Variants in MAP3K3 observed in about 807,000 individuals in gnomAD.
MAP3K3 encodes mitogen-activated protein kinase kinase kinase 3, also known as MAP/ERK kinase kinase 3.
In MAP3K3, 12 loss-of-function variants were observed where a neutral mutation model predicts 80.9. The observed-to-expected ratio is 0.15, with a 90% CI of 0.10 to 0.24. The LOEUF is 0.24. MAP3K3 is among the 10% of genes least tolerant of loss of function. The probability of loss-of-function intolerance (pLI) is 1.00; values close to 1 mark genes in which losing one functional copy is unlikely to be tolerated. For synonymous variants in MAP3K3, 272 were observed against 307.1 expected, an observed-to-expected ratio of 0.89 and a Z score of 1.19; for missense variants, 596 against 834.7, an observed-to-expected ratio of 0.71 and a Z score of 3.52.
rs74430817 is a variant in MAP3K3 at position 63,693,496 on chromosome 17, C to T, written c.1653-53C>T. 14,696 of 1,503,950 alleles carry T rather than the reference C, an allele frequency of 9.8e-3. 105 individuals carry two copies. The highest frequency in any genetic ancestry group is 0.026 in the Middle Eastern group (145 of 5,666). 93.2% of individuals were successfully genotyped at this position (1,503,950 alleles called of 1,614,324 possible). On this transcript the variant is annotated intron_variant, in intron 15 of 15. Transcript: ENST00000361733. This position sits in a 1 kb window ranked among gnomAD's most constrained non-coding sequence, Gnocchi z 4.2. ...CCTCTTTCTGCAGTGGTGGGCAGGACAGCTGGGAGTCCAGGGCTGGCTGAG... is the reference window on the plus strand; with the variant it reads ...CCTCTTTCTGCAGTGGTGGGCAGGATAGCTGGGAGTCCAGGGCTGGCTGAG...
chr17:63,634,044 A>T (rs2143189840), intron 2 of MAP3K3, among the ~76,000 whole-genome samples: 1 of 152,310 alleles, frequency 6.6e-6, no homozygotes, highest in Non-Finnish European at 1.5e-5. Context: ...AAACAGAAGG[A>T]TTAGTTTAAA....
chr17:63,690,001 G>A (rs2035550385), intron 11 of MAP3K3: 6 of 579,404 alleles, frequency 1.0e-5, no homozygotes, highest in African/African-American at 9.3e-5. Flanking sequence ...ATATTTAGGG[G>A]CTTTGGAAGG....
intron 4 of MAP3K3, among the ~76,000 whole-genome samples, chr17:63,654,107 G>A (rs960121460): frequency 1.3e-5 from 2 of 152,052 alleles, no homozygotes; most frequent in African/African-American, 2.4e-5. Context: ...GAGCTCAAGC[G>A]ATCTGCCTGC....
chr17:63,668,818 CAGCAA>C (rs894696669), intron 6 of MAP3K3, among the ~76,000 whole-genome samples: 2 of 152,200 alleles, frequency 1.3e-5, no homozygotes, highest in African/African-American at 4.8e-5. Context: ...TTCCTTCATT[CAGCAA>C]AGCATTAAGT....
intron 6 of MAP3K3, among the ~76,000 whole-genome samples, chr17:63,671,850 A>T (rs2035115579): frequency 6.6e-6 from 1 of 152,172 alleles, no homozygotes; most frequent in Non-Finnish European, 1.5e-5. Context: ...AGGGGTTCTA[A>T]GACCAAAAGG....
intron 4 of MAP3K3, among the ~76,000 whole-genome samples, chr17:63,654,574 T>C (rs919615419): frequency 6.6e-6 from 1 of 152,198 alleles, no homozygotes; most frequent in Non-Finnish European, 1.5e-5. Flanking sequence ...CTGTAAGGTA[T>C]ATACCTAGGC....
chr17:63,622,807 G>A (rs1375967263), intron 1 of MAP3K3, 44 bp downstream of exon 1: 1 of 467,546 alleles, frequency 2.1e-6, no homozygotes, highest in Admixed American at 2.5e-5. Flanking sequence ...GCTGCTTCGC[G>A]ACGCCCCGCC....
intron 5 of MAP3K3, among the ~76,000 whole-genome samples, chr17:63,666,518 G>T (rs1037072053): frequency 6.6e-5 from 10 of 152,044 alleles, no homozygotes; most frequent in African/African-American, 2.4e-4. Context: ...GAATTTTGTT[G>T]GGGAGGGAAG....
chr17:63,659,815 A>G (rs2143407227), intron 5 of MAP3K3, among the ~76,000 whole-genome samples: 1 of 152,244 alleles, frequency 6.6e-6, no homozygotes, highest in East Asian at 1.9e-4. Flanking sequence ...GGCATGAGCC[A>G]CTGTGCCCGG....
chr17:63,688,918 C>G, intron 10 of MAP3K3, 37 bp downstream of exon 10: 1 of 1,483,506 alleles, frequency 6.7e-7, no homozygotes, highest in Non-Finnish European at 9.4e-7. Flanking sequence ...CTGGCTGCCT[C>G]AAGAAAGGAC....
At position 63,691,614 on chromosome 17, in the gene MAP3K3, C is replaced by A; in HGVS notation, c.1345-119C>A. The stretch of plus-strand genomic sequence containing the variant: ...TGACAGCTCCTGGCAAAATGCCCTG[C>A]CCAGCCAGATAGGAATTGAACAAAT... On this transcript the variant is annotated intron_variant, in intron 13 of 15. Coordinates refer to ENST00000361733, the MANE Select transcript of MAP3K3 (RefSeq NM_002401.5). The surrounding 1 kb of genome is among the most constrained non-coding windows in gnomAD (Gnocchi z 4.8). 1 of 1,426,242 alleles carries A rather than the reference C, an allele frequency of 7.0e-7. No homozygotes were observed. The highest frequency in any genetic ancestry group is 9.5e-7 in the Non-Finnish European group (1 of 1,052,268). 88.3% of individuals were successfully genotyped at this position (1,426,242 alleles called of 1,614,324 possible).
chr17:63,667,910 C>T (rs1324793507), intron 6 of MAP3K3, among the ~76,000 whole-genome samples: 4 of 152,146 alleles, frequency 2.6e-5, no homozygotes, highest in African/African-American at 9.7e-5. Flanking sequence ...GTGGCTGCTA[C>T]CAGTCCTTCC....
Position 63,693,748 on chromosome 17 carries a change from A to T in MAP3K3, c.1852A>T (p.Thr618Ser). The change falls in exon 16 of 16, where the codon ACA becomes TCA. Residue 618 changes from threonine to serine, a missense_variant. Thr to Ser is a moderately conservative substitution (Grantham distance 58). This residue lies in a region of MAP3K3 where 364 missense variants were observed against 588.9 expected (regional missense o/e 0.62). Transcript: ENST00000361733. This position sits in a 1 kb window ranked among gnomAD's most constrained non-coding sequence, Gnocchi z 4.2. ...GAGACCTTCAGCTGAGGAGCTGCTCACACACCACTTTGCACAGCTCATGTA... is the reference window on the plus strand; with the variant it reads ...GAGACCTTCAGCTGAGGAGCTGCTCTCACACCACTTTGCACAGCTCATGTA... ...RQRPSAEELLTHHFAQLMY is the reference protein window; with the variant it reads ...RQRPSAEELLSHHFAQLMY 1.2e-6 allele frequency: 2 copies of T among 1,601,726 alleles called. No homozygotes were observed. The highest frequency in any genetic ancestry group is 1.7e-6 in the Non-Finnish European group (2 of 1,172,704).
intron 1 of MAP3K3, 77 bp from the exon 2 acceptor site, chr17:63,632,604 T>C: frequency 6.5e-7 from 1 of 1,532,142 alleles, no homozygotes; most frequent in Non-Finnish European, 8.9e-7. Context: ...TCCCTGAGTA[T>C]TAGTTATACA....
rs529098963 is a variant in MAP3K3, at chr17:63,646,792, A to G, written c.167+718A>G. ...TAATTTCTGAAGTTATTTAAGGAAA[A>G]CATTCAGAAAGCATACAGAACTCTG... is the stretch of plus-strand genomic sequence containing the variant. On this transcript the variant is annotated intron_variant, in intron 3 of 15. Transcript: ENST00000361733. Among the ~76,000 whole-genome samples, 3 of 152,328 alleles carry G rather than the reference A, an allele frequency of 2.0e-5. No individual in the cohort carries two copies. In the South Asian group the frequency reaches 6.2e-4, roughly 32 times the overall value.
chr17:63,647,696 A>G (rs1235966224), intron 3 of MAP3K3, among the ~76,000 whole-genome samples: 1 of 152,108 alleles, frequency 6.6e-6, no homozygotes, highest in Non-Finnish European at 1.5e-5. Flanking sequence ...TTTGTGTACT[A>G]TATGTGGAAT....
chr17:63,666,727 C>T (rs1176059599), intron 5 of MAP3K3, among the ~76,000 whole-genome samples: 3 of 152,202 alleles, frequency 2.0e-5, no homozygotes, highest in South Asian at 2.1e-4. Flanking sequence ...TCTCAGCGCT[C>T]ATACATCATT....
At chr17:63,660,792 C>T (rs547619925) in intron 5 of MAP3K3, among the ~76,000 whole-genome samples, 1 of 151,746 alleles carries the variant, frequency 6.6e-6, no homozygotes, top group Non-Finnish European at 1.5e-5. Flanking sequence ...GACGGAGTTT[C>T]TCCATGTTGG....
At chr17:63,674,805 T>C (rs897273007) in intron 6 of MAP3K3, among the ~76,000 whole-genome samples, 36 of 152,032 alleles carry the variant, frequency 2.4e-4, no homozygotes, top group Non-Finnish European at 4.6e-4. Context: ...TATAATACTT[T>C]TGCAAGGAAG....
Sources: gnomAD v4.1 joint callset for allele counts (sites outside exome capture counted in the v4.1 genomes callset) on GRCh38, gnomAD v4.1.1 for gene constraint, gnomAD v4.1.1 regional missense constraint, Gnocchi (gnomAD v3.1) non-coding constraint, MANE v1.5 for transcripts, NCBI Gene and HGNC (gene_info 2026-07-23, HGNC 2026-07-21) for gene names.